Variants in ACER2 observed in about 807,000 individuals in gnomAD.
ACER2 encodes alkaline ceramidase 2.
Under a neutral mutation model 34.7 loss-of-function variants are expected in ACER2, and 26 were observed. The observed-to-expected ratio is 0.75, with a 90% CI of 0.55 to 1.04. The LOEUF (loss-of-function observed/expected upper bound fraction) is 1.04, where lower values mean the gene tolerates loss of function less well. Ranked by LOEUF, ACER2 falls within the 50% of genes least tolerant of loss-of-function variation. The pLI is 0.00. For missense variants in ACER2, 352 were observed against 340.8 expected (o/e 1.03, Z -0.26); for synonymous variants, 138 against 132.1 (o/e 1.04, Z -0.31).
intron 1 of ACER2, among the ~76,000 whole-genome samples, chr9:19,418,818 A>G (rs926717965): frequency 1.3e-5 from 2 of 152,202 alleles, no homozygotes; most frequent in African/African-American, 2.4e-5. Context: ...CGTTCTGCAC[A>G]TATATCCCAG....
chr9:19,444,337 G>C (rs563495210), intron 4 of ACER2, among the ~76,000 whole-genome samples: 2 of 150,998 alleles, frequency 1.3e-5, no homozygotes, highest in South Asian at 4.2e-4. Context: ...TCAGCCTCCC[G>C]AGTAGCTGGG....
At chr9:19,424,234 T>C (rs1359663428) in intron 2 of ACER2, 1 of 498,440 alleles carries the variant, frequency 2.0e-6, no homozygotes, top group East Asian at 1.5e-4. Flanking sequence ...TCTGAACGTC[T>C]GAAGAAAGTC....
chr9:19,409,262 G>T, intron 1 of ACER2, 70 bp downstream of exon 1: 4 of 1,463,964 alleles, frequency 2.7e-6, no homozygotes, highest in Non-Finnish European at 3.7e-6. Flanking sequence ...CGCAGCGTCT[G>T]GAAGCTGGAC....
At chr9:19,414,591 C>G (rs1014398886) in intron 1 of ACER2, among the ~76,000 whole-genome samples, 1 of 152,086 alleles carries the variant, frequency 6.6e-6, no homozygotes, top group African/African-American at 2.4e-5. Context: ...GCTGGCAGAT[C>G]ACTTGAGACC....
chr9:19,448,893 C>T (rs1322303589), intron 5 of ACER2, among the ~76,000 whole-genome samples: 1 of 152,176 alleles, frequency 6.6e-6, no homozygotes, highest in Non-Finnish European at 1.5e-5. Context: ...GTAATCTCAG[C>T]ACTTTGGGAG....
intron 3 of ACER2, among the ~76,000 whole-genome samples, chr9:19,425,864 C>G (rs889932317): frequency 6.6e-6 from 1 of 152,110 alleles, no homozygotes; most frequent in Admixed American, 6.5e-5. Context: ...GTGAAGCAAA[C>G]GGTATGTGCC....
chr9:19,435,119 C>T (rs761628853), intron 4 of ACER2, 35 bp downstream of exon 4: 1 of 1,611,494 alleles, frequency 6.2e-7, no homozygotes, highest in Admixed American at 1.7e-5. Context: ...CCTTAGCTGT[C>T]CCCGTGCTGG....
At position 19,450,475 on chromosome 9, in the gene ACER2, T is replaced by G; in HGVS notation, c.667T>G (p.Tyr223Asp). The change falls in exon 6 of 6, where the codon TAC becomes GAC. Residue 223 changes from tyrosine (Y) to aspartate (D), a missense_variant. Tyr to Asp is a radical substitution (Grantham distance 160, BLOSUM62 -3). Coordinates refer to ENST00000340967, the MANE Select transcript of ACER2 (RefSeq NM_001010887.3). ...GCACATCCTCATCTGCCTTGCTGCC[T>G]ACCTGGGCTGTGTATGCTTTGCCTA... ...MWHILICLAA[Y>D]LGCVCFAYFD... is the part of the protein sequence containing the mutation. 6.2e-7 allele frequency: 1 copy of G among 1,607,354 alleles called. No individual in the cohort carries two copies. The highest frequency in any genetic ancestry group is 2.2e-5 in the East Asian group (1 of 44,666).
intron 1 of ACER2, among the ~76,000 whole-genome samples, chr9:19,410,125 A>G (rs1830045136): frequency 1.3e-5 from 2 of 152,210 alleles, no homozygotes; most frequent in Non-Finnish European, 2.9e-5. Context: ...GTCATTGTGA[A>G]TTTGAGGTTG....
chr9:19,425,167 A>AT (rs2132479379), intron 3 of ACER2, among the ~76,000 whole-genome samples: 1 of 152,268 alleles, frequency 6.6e-6, no homozygotes, highest in South Asian at 2.1e-4. Flanking sequence ...ATACTCTTTG[A>AT]TTTTCTGCTA....
At chr9:19,418,090 T>A (rs920925796) in intron 1 of ACER2, among the ~76,000 whole-genome samples, 1 of 152,090 alleles carries the variant, frequency 6.6e-6, no homozygotes, top group Non-Finnish European at 1.5e-5. Flanking sequence ...TACAAACATA[T>A]GAAAAAAGCT....
chr9:19,444,174 G>GAA (rs1313502163), intron 4 of ACER2, among the ~76,000 whole-genome samples: 1 of 89,140 alleles, frequency 1.1e-5, no homozygotes, highest in Non-Finnish European at 2.4e-5. Context: ...AAAAAGAAAA[G>GAA]AAAAAAAAAA....
intron 5 of ACER2, among the ~76,000 whole-genome samples, chr9:19,449,328 C>G (rs1325318062): frequency 1.3e-5 from 2 of 152,204 alleles, no homozygotes; most frequent in African/African-American, 4.8e-5. Context: ...CTGGTTCATA[C>G]CATTCTCACC....
chr9:19,411,662 T>C (rs897896121), intron 1 of ACER2, among the ~76,000 whole-genome samples: 1 of 152,198 alleles, frequency 6.6e-6, no homozygotes, highest in Admixed American at 6.5e-5. Context: ...TCGTCTTAAA[T>C]CCTCATAATA....
chr9:19,436,421 G>A (rs1047557094), intron 4 of ACER2, among the ~76,000 whole-genome samples: 6 of 152,074 alleles, frequency 3.9e-5, no homozygotes, highest in East Asian at 1.9e-4. Flanking sequence ...GATAGTACTT[G>A]GCTCATAGTT....
intron 1 of ACER2, among the ~76,000 whole-genome samples, chr9:19,418,470 G>C (rs1589036519): frequency 1.3e-5 from 2 of 152,198 alleles, no homozygotes; most frequent in East Asian, 1.9e-4. Flanking sequence ...GTGATAGACT[G>C]GATAAAGAAA....
At chr9:19,419,467 A>G (rs1192905484) in intron 1 of ACER2, among the ~76,000 whole-genome samples, 2 of 152,174 alleles carry the variant, frequency 1.3e-5, no homozygotes, top group African/African-American at 4.8e-5. Flanking sequence ...GATCCGCAAC[A>G]AAGTGAACCA....
At chr9:19,411,302 G>A (rs1336314705) in intron 1 of ACER2, among the ~76,000 whole-genome samples, 2 of 152,206 alleles carry the variant, frequency 1.3e-5, no homozygotes, top group Non-Finnish European at 2.9e-5. Flanking sequence ...AGAGCGTAAG[G>A]TGTCAGAGAA....
intron 1 of ACER2, among the ~76,000 whole-genome samples, chr9:19,418,617 T>C (rs61044292): frequency 9.6e-4 from 146 of 152,278 alleles, no homozygotes; most frequent in African/African-American, 3.2e-3. Context: ...AAACACTGTA[T>C]GTTCTCACTC....
Sources: gnomAD v4.1 joint callset for allele counts (sites outside exome capture counted in the v4.1 genomes callset) on GRCh38, gnomAD v4.1.1 for gene constraint, MANE v1.5 for transcripts, NCBI Gene and HGNC (gene_info 2026-07-23, HGNC 2026-07-21) for gene names.